The following XIST variants were observed in gnomAD, a reference collection of about 807,000 sequenced individuals.
XIST encodes the protein X inactive specific transcript, also known as X inactive specific transcript (non-protein coding).
At position 73,845,695 on chromosome X, in the gene XIST, A is replaced by T. The variant is rs181617475; in HGVS notation, n.7029T>A. The T allele has an allele frequency of 6.5e-5, 36 of 551,101 alleles. No homozygotes were observed. In the African/African-American group the frequency reaches 8.0e-4, roughly 12 times the overall value. The allele number at this position is 551,101 out of a possible 1,213,427, so 45.4% of individuals were successfully genotyped here. On this transcript the variant is annotated non_coding_transcript_exon_variant, in exon 1 of 6. Coordinates refer to ENST00000429829, the Ensembl canonical transcript of XIST. Reference sequence around the variant, plus strand: ...GGGCCATGTGCAGTTACGCACATTAATGTCCAATAATGTCCAAGGTGCATG... The same window carrying T: ...GGGCCATGTGCAGTTACGCACATTATTGTCCAATAATGTCCAAGGTGCATG...
chrX:73,837,358 G>A, intron 2 of XIST: 1 of 413,762 alleles, frequency 2.4e-6, no homozygotes, highest in Non-Finnish European at 4.2e-6. Context: ...CCAATAGAGA[G>A]ACATTCTATA....
chrX:73,824,997 A>T, exon 6 of XIST: 1 of 516,768 alleles, frequency 1.9e-6, no homozygotes, highest in Non-Finnish European at 3.5e-6. Flanking sequence ...TTCATTCATA[A>T]ATATGTAGCC....
chrX:73,850,502 C>T, exon 1 of XIST: 1 of 548,295 alleles, frequency 1.8e-6, no homozygotes, highest in Non-Finnish European at 3.3e-6. Flanking sequence ...AAAATCCGAC[C>T]CCAGCATTAG....
chrX:73,821,575 T>C, exon 6 of XIST: 1 of 558,118 alleles, frequency 1.8e-6, no homozygotes, highest in Non-Finnish European at 3.2e-6. Context: ...TGGAACTGCA[T>C]GAAACTGAAC....
chrX:73,845,623 C>A (rs1430981402), exon 1 of XIST: 1 of 556,759 alleles, frequency 1.8e-6, no homozygotes, highest in East Asian at 3.3e-5. Context: ...AGTACCCCTG[C>A]TGTACTGCAA....
exon 1 of XIST, chrX:73,852,045 G>C: frequency 1.8e-6 from 1 of 546,951 alleles, no homozygotes; most frequent in South Asian, 2.3e-5. Flanking sequence ...CCGCGGCCCC[G>C]ATGGGCCAGA....
chrX:73,850,316 A>C, exon 1 of XIST: 1 of 548,030 alleles, frequency 1.8e-6, no homozygotes, highest in Non-Finnish European at 3.3e-6. Context: ...GAAGCTAAAA[A>C]CTTTAAGGAA....
chrX:73,826,533 G>A (rs1373390845), exon 6 of XIST: 9 of 557,513 alleles, frequency 1.6e-5, no homozygotes, highest in Non-Finnish European at 2.6e-5. Context: ...AAGGTAACCG[G>A]CAACATCAAA....
intron 1 of XIST, among the ~76,000 whole-genome samples, chrX:73,838,528 C>T (rs1211962879): frequency 1.8e-5 from 2 of 111,065 alleles, no homozygotes; most frequent in Non-Finnish European, 3.8e-5. Flanking sequence ...CTAATATAAA[C>T]ATCAAAACAG....
exon 6 of XIST, chrX:73,824,686 A>G (rs1028616357): frequency 3.6e-5 from 20 of 556,959 alleles, no homozygotes; most frequent in Admixed American, 2.0e-4. Flanking sequence ...AGTGCTTTAT[A>G]ATTTAGAAAG....
intron 1 of XIST, among the ~76,000 whole-genome samples, chrX:73,840,645 T>A (rs927825182): frequency 2.7e-5 from 3 of 111,697 alleles, no homozygotes; most frequent in African/African-American, 6.5e-5. Context: ...ATCTACGATA[T>A]GCATTATCCA....
exon 1 of XIST, chrX:73,851,318 G>A (rs1305180926): frequency 1.8e-6 from 1 of 557,669 alleles, no homozygotes; most frequent in African/African-American, 2.2e-5. Context: ...AACACGAAAA[G>A]CACACAGCAA....
Position 73,821,011 on chromosome X carries a change from GT to G in XIST, n.18889del, listed in dbSNP as rs766165999. 2.9e-5 allele frequency: 16 copies of G among 557,684 alleles called. No homozygotes were observed. In the East Asian group the frequency reaches 5.2e-4, roughly 18 times the overall value. The allele number at this position is 557,684 out of a possible 1,213,427, so 46.0% of individuals were successfully genotyped here. On this transcript the variant is annotated non_coding_transcript_exon_variant, in exon 6 of 6. Coordinates refer to ENST00000429829, the Ensembl canonical transcript of XIST. Reference sequence around the variant, plus strand: ...TTCTCTTATTCTTGTTTAATCAGTAGTGGTAGTGATGCCAGAAACTGTGAAA... The same window carrying G: ...TTCTCTTATTCTTGTTTAATCAGTAGGGTAGTGATGCCAGAAACTGTGAAA...
exon 1 of XIST, chrX:73,847,057 CT>C (rs758075763): frequency 6.3e-5 from 35 of 557,621 alleles, no homozygotes; most frequent in Non-Finnish European, 1.0e-4. Flanking sequence ...TATATAACAC[CT>C]AAGATTATGC....
chrX:73,822,515 A>T, exon 6 of XIST: 1 of 513,989 alleles, frequency 1.9e-6, no homozygotes, highest in East Asian at 3.6e-5. Flanking sequence ...ATGAATGAAT[A>T]CATGAAAAAA....
intron 5 of XIST, chrX:73,828,095 A>T (rs1173745613): frequency 2.3e-6 from 1 of 439,256 alleles, no homozygotes. Flanking sequence ...GAAAGATAAA[A>T]AAAATCAAAA....
chrX:73,841,941 A>G, exon 1 of XIST: 2 of 532,708 alleles, frequency 3.8e-6, no homozygotes, highest in South Asian at 4.8e-5. Context: ...AGTTTTTCTA[A>G]AAGTGAATGC....
At chrX:73,840,250 G>T (rs1922561178) in intron 1 of XIST, among the ~76,000 whole-genome samples, 1 of 110,801 alleles carries the variant, frequency 9.0e-6, no homozygotes, top group Admixed American at 9.7e-5. Context: ...TTCCAAGAAG[G>T]TTCAAGACCA....
At chrX:73,835,184 T>C (rs2147700999) in intron 2 of XIST, among the ~76,000 whole-genome samples, 1 of 111,350 alleles carries the variant, frequency 9.0e-6, no homozygotes, top group African/African-American at 3.3e-5. Flanking sequence ...TATGGGGAGC[T>C]TTCTACAAAA....
Sources: gnomAD v4.1 joint callset for allele counts (sites outside exome capture counted in the v4.1 genomes callset) on GRCh38, gnomAD v4.1.1 for gene constraint, MANE v1.5 for transcripts, NCBI Gene and HGNC (gene_info 2026-07-23, HGNC 2026-07-21) for gene names.